Variants in CPE observed in about 807,000 individuals in gnomAD.
CPE encodes the protein carbocypeptidase E.
Under a neutral mutation model 53.5 loss-of-function variants are expected in CPE, and 17 were observed. The ratio of observed to expected loss-of-function variants is 0.32; its 90% CI spans 0.22 to 0.48. The LOEUF is 0.48. CPE is among the 20% of genes least tolerant of loss of function. The pLI is 0.99. For missense variants in CPE, 524 were observed against 614.7 expected (o/e 0.85, Z 1.56); for synonymous variants, 226 against 228.8 (o/e 0.99, Z 0.11).
intron 1 of CPE, among the ~76,000 whole-genome samples, chr4:165,392,995 G>A (rs1866217): frequency 0.54 from 80,999 of 150,944 alleles, 22,355 homozygotes; most frequent in African/African-American, 0.68. Flanking sequence ...GATTACTAAT[G>A]CTTTTCCTCC....
At chr4:165,451,755 G>T (rs1367369612) in intron 1 of CPE, among the ~76,000 whole-genome samples, 1 of 151,886 alleles carries the variant, frequency 6.6e-6, no homozygotes. Context: ...CTCCCAAAGT[G>T]CTGGGATTAC....
Position 165,405,869 on chromosome 4 carries a change from T to C in CPE, c.307+26341T>C, listed in dbSNP as rs1579246648. The stretch of plus-strand genomic sequence containing the variant: ...AAGACTTCAGGAGCACCGAATACTG[T>C]TTTTCTGTCTTTTGTTGCTATTTTA... On this transcript the variant is annotated intron_variant, in intron 1 of 8. Transcript: ENST00000402744. 6 of 739,346 alleles carry C rather than the reference T, an allele frequency of 8.1e-6. No homozygotes were observed. The East Asian group carries it at 1.6e-4, about 19-fold the overall frequency. 45.8% of individuals were successfully genotyped at this position (739,346 alleles called of 1,614,324 possible). A position where few individuals can be genotyped will look rare whatever the true frequency, so the allele number is the denominator to read the frequency against.
chr4:165,402,027 A>G (rs555496263), intron 1 of CPE, among the ~76,000 whole-genome samples: 1 of 152,290 alleles, frequency 6.6e-6, no homozygotes, highest in African/African-American at 2.4e-5. Context: ...TGATAAATGG[A>G]CAGATTATTT....
chr4:165,446,777 G>T (rs1731724917), intron 1 of CPE, among the ~76,000 whole-genome samples: 1 of 152,154 alleles, frequency 6.6e-6, no homozygotes, highest in Non-Finnish European at 1.5e-5. Flanking sequence ...AAAAGCTATT[G>T]AAATATAAAA....
At chr4:165,427,339 T>G (rs981895432) in intron 1 of CPE, among the ~76,000 whole-genome samples, 7 of 152,162 alleles carry the variant, frequency 4.6e-5, no homozygotes, top group Non-Finnish European at 7.3e-5. Context: ...TTTTTGTTTT[T>G]TTTTCCTGTG....
chr4:165,470,513 C>T lies in CPE; in HGVS notation c.672+2658C>T, dbSNP rs115413506. Among the ~76,000 whole-genome samples the T allele has an allele frequency of 3.6e-3, 555 of 152,286 alleles. 2 individuals carry two copies. Among genetic ancestry groups the T allele is most frequent in the African/African-American group, 0.012 (515 of 41,560 alleles). ...TATGCTTAAGCCCACTTGCCCAACT[C>T]CTGCCGTCTTATCAGGAAGCCGATC... is the stretch of plus-strand genomic sequence containing the variant. On this transcript the variant is annotated intron_variant, in intron 3 of 8. Transcript: ENST00000402744.
intron 1 of CPE, among the ~76,000 whole-genome samples, chr4:165,423,322 G>T (rs1320235993): frequency 2.0e-5 from 3 of 151,648 alleles, no homozygotes; most frequent in African/African-American, 7.3e-5. Flanking sequence ...GTGATTTTGG[G>T]GTCCTTTCAC....
At chr4:165,423,426 T>G (rs17046430) in intron 1 of CPE, among the ~76,000 whole-genome samples, 3 of 151,730 alleles carry the variant, frequency 2.0e-5, no homozygotes, top group Non-Finnish European at 4.4e-5. Flanking sequence ...TTTATTAATT[T>G]CCAGTTTCAT....
intron 1 of CPE, among the ~76,000 whole-genome samples, chr4:165,419,559 G>T (rs2126672703): frequency 6.6e-6 from 1 of 151,968 alleles, no homozygotes; most frequent in South Asian, 2.1e-4. Context: ...TTTTATAATT[G>T]GGGAAATGTA....
intron 1 of CPE, among the ~76,000 whole-genome samples, chr4:165,383,012 T>C (rs1384933301): frequency 6.6e-6 from 1 of 152,200 alleles, no homozygotes; most frequent in Non-Finnish European, 1.5e-5. Flanking sequence ...AAAAATCTAT[T>C]GAAAGAGAGT....
At chr4:165,406,270 G>C (rs1730952404) in intron 1 of CPE, 2 of 627,724 alleles carry the variant, frequency 3.2e-6, no homozygotes, top group Admixed American at 2.0e-5. Context: ...GTAAAATTGC[G>C]GCGTATATAA....
Position 165,470,292 on chromosome 4 carries a change from G to T in CPE, c.672+2437G>T, listed in dbSNP as rs1463540369. Among the ~76,000 whole-genome samples, 15 of 152,178 alleles carry T rather than the reference G, an allele frequency of 9.9e-5. 1 individual carries two copies. The highest frequency in any genetic ancestry group is 9.8e-4 in the Admixed American group (15 of 15,276). On this transcript the variant is annotated intron_variant, in intron 3 of 8. Transcript: ENST00000402744. Reference sequence around the variant, plus strand: ...CATGCTTACAAGGGAGCAGGAGGTTGTGTGTCTTTTCCCCTGATTCTTCCC... The same window carrying T: ...CATGCTTACAAGGGAGCAGGAGGTTTTGTGTCTTTTCCCCTGATTCTTCCC...
chr4:165,467,594 A>G lies in CPE; in HGVS notation c.505-94A>G. ...CATTGTTGAAGTAAATAATCTTAAT[A>G]GTTATTTTAAAGAGCATTGATAGGG... On this transcript the variant is annotated intron_variant, in intron 2 of 8. Transcript: ENST00000402744. 8.6e-6 allele frequency: 10 copies of G among 1,166,588 alleles called. No homozygotes were observed. The South Asian group carries it at 1.6e-4, about 19-fold the overall frequency. The allele number at this position is 1,166,588 out of a possible 1,614,324, so 72.3% of individuals were successfully genotyped here.
chr4:165,409,332 T>C (rs1731000399), intron 1 of CPE, among the ~76,000 whole-genome samples: 1 of 152,160 alleles, frequency 6.6e-6, no homozygotes, highest in African/African-American at 2.4e-5. Context: ...GCCTCCCCAA[T>C]AGCTAGGATT....
chr4:165,485,336 C>T (rs139300736), intron 5 of CPE, among the ~76,000 whole-genome samples: 44 of 152,122 alleles, frequency 2.9e-4, no homozygotes, highest in African/African-American at 1.1e-3. Context: ...TTCTATGGCC[C>T]ACCTGGAAAA....
chr4:165,473,225 A>G (rs1390574789), intron 3 of CPE, among the ~76,000 whole-genome samples: 1 of 152,276 alleles, frequency 6.6e-6, no homozygotes, highest in Non-Finnish European at 1.5e-5. Context: ...TGTCCCAAAC[A>G]TTCCTCTTTT....
intron 1 of CPE, among the ~76,000 whole-genome samples, chr4:165,385,750 G>C (rs922010299): frequency 2.0e-5 from 3 of 152,174 alleles, no homozygotes; most frequent in African/African-American, 7.2e-5. Flanking sequence ...GTGTGCATCA[G>C]TATTTGAGAA....
Position 165,459,629 on chromosome 4 carries a change from C to A in CPE, c.308-4761C>A, listed in dbSNP as rs193213730. Among the ~76,000 whole-genome samples the A allele has an allele frequency of 4.6e-3, 535 of 116,586 alleles. 3 individuals carry two copies. The highest frequency in any genetic ancestry group is 0.016 in the African/African-American group (498 of 30,774). 76.5% of individuals were successfully genotyped at this position (116,586 alleles called of 152,430 possible). A position where few individuals can be genotyped will look rare whatever the true frequency, so the allele number is the denominator to read the frequency against. ...TGTAAAAAAGAAAATGAAGGCCGGGCGTGGTGGCTCACGTCTGTAATCCCA... is the reference window on the plus strand; with the variant it reads ...TGTAAAAAAGAAAATGAAGGCCGGGAGTGGTGGCTCACGTCTGTAATCCCA... On this transcript the variant is annotated intron_variant, in intron 1 of 8. Coordinates refer to ENST00000402744, the MANE Select transcript of CPE (RefSeq NM_001873.4).
intron 1 of CPE, among the ~76,000 whole-genome samples, chr4:165,454,294 C>T (rs543784477): frequency 4.6e-5 from 7 of 152,294 alleles, no homozygotes; most frequent in African/African-American, 1.7e-4. Context: ...GAAGATTCTA[C>T]TGCGTGGCCT....
Sources: gnomAD v4.1 joint callset for allele counts (sites outside exome capture counted in the v4.1 genomes callset) on GRCh38, gnomAD v4.1.1 for gene constraint, MANE v1.5 for transcripts, NCBI Gene and HGNC (gene_info 2026-07-23, HGNC 2026-07-21) for gene names.